The following MEI4 variants were observed in gnomAD, a reference collection of about 807,000 sequenced individuals.
The protein encoded by MEI4 is meiotic double-stranded break formation protein 4.
Under a neutral mutation model 31.4 loss-of-function variants are expected in MEI4, and 27 were observed. That is an observed-to-expected ratio of 0.86 (90% CI 0.63 to 1.19). The LOEUF is 1.19. Among genes scored for constraint, MEI4 ranks in the 50% most tolerant of loss-of-function variants. The probability of loss-of-function intolerance (pLI) is 0.00; values close to 1 mark genes in which losing one functional copy is unlikely to be tolerated. For synonymous variants in MEI4, 122 were observed against 145.4 expected (o/e 0.84, Z 1.16); for missense variants, 329 against 398.9 (o/e 0.82, Z 1.49).
At chr6:77,918,328 G>T (rs1459917402) in intron 4 of MEI4, among the ~76,000 whole-genome samples, 1 of 142,758 alleles carries the variant, frequency 7.0e-6, no homozygotes, top group African/African-American at 2.6e-5. Context: ...GCTTGATGGG[G>T]ATGGCATTGA....
intron 1 of MEI4, among the ~76,000 whole-genome samples, chr6:77,683,689 T>C (rs1768999960): frequency 6.6e-6 from 1 of 152,210 alleles, no homozygotes; most frequent in Non-Finnish European, 1.5e-5. Flanking sequence ...CTCAGCATAA[T>C]GTTTTTCAGG....
chr6:77,790,755 T>C (rs571192556), intron 3 of MEI4, among the ~76,000 whole-genome samples: 5 of 152,160 alleles, frequency 3.3e-5, no homozygotes, highest in African/African-American at 9.6e-5. Flanking sequence ...ATTTAATTTT[T>C]AAGTCAACAA....
intron 4 of MEI4, among the ~76,000 whole-genome samples, chr6:77,835,604 A>C (rs1174963292): frequency 6.6e-6 from 1 of 152,090 alleles, no homozygotes; most frequent in Non-Finnish European, 1.5e-5. Context: ...TGAAAACACT[A>C]TCAGATACTA....
chr6:77,763,021 A>G (rs1228120434), intron 3 of MEI4, among the ~76,000 whole-genome samples: 1 of 152,138 alleles, frequency 6.6e-6, no homozygotes, highest in Non-Finnish European at 1.5e-5. Flanking sequence ...ACTGGCATTT[A>G]TAGTCCATAT....
intron 2 of MEI4, among the ~76,000 whole-genome samples, chr6:77,714,131 A>C (rs1371915772): frequency 2.0e-5 from 3 of 151,978 alleles, no homozygotes; most frequent in African/African-American, 7.2e-5. Flanking sequence ...TATCTAGTTT[A>C]TAATTGAGGG....
chr6:77,708,764 T>A (rs943532783), intron 2 of MEI4, among the ~76,000 whole-genome samples: 13 of 152,080 alleles, frequency 8.5e-5, no homozygotes, highest in African/African-American at 3.1e-4. Flanking sequence ...GTGTGACACC[T>A]CCCCTGTCTC....
rs1766759253 is a variant in MEI4, at chr6:77,923,450, A to G, written c.*104A>G. 1.1e-6 allele frequency: 1 copy of G among 880,760 alleles called. No homozygotes were observed. Among genetic ancestry groups the G allele is most frequent in the Non-Finnish European group, 1.5e-6 (1 of 669,974 alleles). The allele number at this position is 880,760 out of a possible 1,614,324, so 54.6% of individuals were successfully genotyped here. ...AATAGTATTTTAATTAGCATTTTAGAATTGATCTCTAAATATAATTATCAA... is the reference window on the plus strand; with the variant it reads ...AATAGTATTTTAATTAGCATTTTAGGATTGATCTCTAAATATAATTATCAA... On this transcript the variant is annotated 3_prime_UTR_variant, in exon 5 of 5. Transcript: ENST00000684080.
At chr6:77,732,681 A>G (rs1160864421) in intron 2 of MEI4, among the ~76,000 whole-genome samples, 3 of 152,064 alleles carry the variant, frequency 2.0e-5, no homozygotes, top group African/African-American at 7.3e-5. Flanking sequence ...AGGAGTGGTG[A>G]GAGAGGGCAT....
chr6:77,652,795 T>C (rs144526549), upstream of MEI4, among the ~76,000 whole-genome samples: 3 of 152,122 alleles, frequency 2.0e-5, no homozygotes, highest in African/African-American at 7.2e-5. Context: ...AGATTTCTGC[T>C]CTGAACAGAC....
chr6:77,773,723 G>A (rs1449547388), intron 3 of MEI4, among the ~76,000 whole-genome samples: 3 of 152,004 alleles, frequency 2.0e-5, no homozygotes, highest in Non-Finnish European at 4.4e-5. Context: ...AGAAAGTGAA[G>A]AGATGACCCA....
rs9443441 is a variant in MEI4, at chr6:77,690,142, C to T, written c.-14-516C>T. On this transcript the variant is annotated intron_variant, in intron 1 of 4. Coordinates refer to ENST00000684080, the MANE Select transcript of MEI4 (RefSeq NM_001322247.2). ...TAGATTGGAGGGGGCTGGTTAGAGGCAGAAATAGCAGGTAAAAGGTTCATT... is the reference window on the plus strand; with the variant it reads ...TAGATTGGAGGGGGCTGGTTAGAGGTAGAAATAGCAGGTAAAAGGTTCATT... 6.9e-3 allele frequency among the ~76,000 whole-genome samples: 1,052 copies of T among 151,878 alleles called. 13 individuals are homozygous for T. Among genetic ancestry groups the T allele is most frequent in the African/African-American group, 0.024 (993 of 41,404 alleles).
chr6:77,770,340 A>G (rs561169031), intron 3 of MEI4, among the ~76,000 whole-genome samples: 4 of 152,224 alleles, frequency 2.6e-5, no homozygotes, highest in South Asian at 4.1e-4. Flanking sequence ...AAAGTTTACA[A>G]TGAGAAACAT....
At chr6:77,769,992 T>A (rs567869784) in intron 3 of MEI4, among the ~76,000 whole-genome samples, 13 of 151,762 alleles carry the variant, frequency 8.6e-5, no homozygotes, top group South Asian at 4.2e-4. Context: ...AAAGGGGTCT[T>A]TATCTTGCAG....
intron 4 of MEI4, among the ~76,000 whole-genome samples, chr6:77,846,232 T>C (rs1022942388): frequency 6.6e-5 from 10 of 152,012 alleles, no homozygotes; most frequent in Admixed American, 2.0e-4. Context: ...CCTGCCTGAA[T>C]TTCACTTTTC....
Position 77,837,213 on chromosome 6 carries a change from C to T in MEI4, c.900+8151C>T, listed in dbSNP as rs1188269842. Reference sequence around the variant, plus strand: ...TTTTAAGAGACTCTCCAAGGATAAACTAAATCAAATGATAAAGTGCATGAA... The same window carrying T: ...TTTTAAGAGACTCTCCAAGGATAAATTAAATCAAATGATAAAGTGCATGAA... On this transcript the variant is annotated intron_variant, in intron 4 of 4. Transcript: ENST00000684080. 2.0e-5 allele frequency among the ~76,000 whole-genome samples: 3 copies of T among 152,100 alleles called. No individual in the cohort carries two copies. The East Asian group carries it at 5.8e-4, about 29-fold the overall frequency.
rs560709063 is a variant in MEI4 at position 77,742,069 on chromosome 6, A to G, written c.233-19061A>G. ...AGTCTTTGCTATTGTGAATAGTGCCACAATAAACATACGTGTGCATGTGTC... is the reference window on the plus strand; with the variant it reads ...AGTCTTTGCTATTGTGAATAGTGCCGCAATAAACATACGTGTGCATGTGTC... On this transcript the variant is annotated intron_variant, in intron 2 of 4. Coordinates refer to ENST00000684080, the MANE Select transcript of MEI4 (RefSeq NM_001322247.2). Among the ~76,000 whole-genome samples, 6 of 152,110 alleles carry G rather than the reference A, an allele frequency of 3.9e-5. No homozygotes were observed. In the South Asian group the frequency reaches 1.2e-3, roughly 32 times the overall value.
At chr6:77,690,559 T>G in intron 1 of MEI4, 99 bp from the exon 2 acceptor site, 2 of 507,214 alleles carry the variant, frequency 3.9e-6, no homozygotes. Context: ...ATTATAAACT[T>G]ATTAATTAAT....
At chr6:77,917,184 G>C (rs1026943086) in intron 4 of MEI4, among the ~76,000 whole-genome samples, 2 of 151,952 alleles carry the variant, frequency 1.3e-5, no homozygotes, top group African/African-American at 4.8e-5. Flanking sequence ...TGGACATTTG[G>C]CTTGGTTCCA....
chr6:77,803,662 C>G (rs1306809599), intron 3 of MEI4, among the ~76,000 whole-genome samples: 6 of 152,018 alleles, frequency 3.9e-5, no homozygotes, highest in African/African-American at 1.5e-4. Context: ...TGTGGATGTC[C>G]TTTCTGTTTG....
Sources: gnomAD v4.1 joint callset for allele counts (sites outside exome capture counted in the v4.1 genomes callset) on GRCh38, gnomAD v4.1.1 for gene constraint, MANE v1.5 for transcripts, NCBI Gene and HGNC (gene_info 2026-07-23, HGNC 2026-07-21) for gene names.